The following MAP2 variants were observed in gnomAD, a reference collection of about 807,000 sequenced individuals.
MAP2 encodes microtubule-associated protein 2.
A neutral mutation model predicts 137.6 loss-of-function variants in MAP2; 14 were observed. The observed-to-expected ratio is 0.10, with a 90% CI of 0.07 to 0.16. MAP2 has a LOEUF of 0.16. MAP2 is among the 10% of genes least tolerant of loss of function. The pLI is 1.00. For synonymous variants in MAP2, 786 were observed against 782.3 expected, an observed-to-expected ratio of 1.00 and a Z score of -0.08; for missense variants, 2,088 against 2,191.5, an observed-to-expected ratio of 0.95 and a Z score of 0.94.
At chr2:209,660,701 AATT>A (rs562421271) in intron 5 of MAP2, among the ~76,000 whole-genome samples, 30,907 of 104,142 alleles carry the variant, frequency 0.3, 4,644 homozygotes, top group Non-Finnish European at 0.34. Flanking sequence ...GGCCTGCTGC[AATT>A]ATTATTATTA....
rs936962855 is a variant in MAP2, at chr2:209,541,588, C to T, written c.-172+33947C>T. Reference sequence around the variant, plus strand: ...CAAATTTGGAGTCAATCCACTCAAACCTTGCCTCTGGCTCATCAACTTAGT... The same window carrying T: ...CAAATTTGGAGTCAATCCACTCAAATCTTGCCTCTGGCTCATCAACTTAGT... On this transcript the variant is annotated intron_variant, in intron 2 of 15. Coordinates refer to ENST00000682079, the MANE Select transcript of MAP2 (RefSeq NM_001375505.1). Among the ~76,000 whole-genome samples, 4 of 144,512 alleles carry T rather than the reference C, an allele frequency of 2.8e-5. 2 individuals carry two copies. Among genetic ancestry groups the T allele is most frequent in the Admixed American group, 1.3e-4 (2 of 15,042 alleles). 94.8% of individuals were successfully genotyped at this position (144,512 alleles called of 152,430 possible).
chr2:209,723,370 G>A (rs2072189034), intron 13 of MAP2, among the ~76,000 whole-genome samples: 1 of 152,134 alleles, frequency 6.6e-6, no homozygotes, highest in African/African-American at 2.4e-5. Flanking sequence ...TAAGTACAGT[G>A]GGATTTCTTA....
In MAP2 at chr2:209,626,628, A is replaced by G. The variant is rs183739447; in HGVS notation, c.-30+1499A>G. Among the ~76,000 whole-genome samples, 4 of 152,320 alleles carry G rather than the reference A, an allele frequency of 2.6e-5. No individual in the cohort carries two copies. In the East Asian group the frequency reaches 5.8e-4, roughly 22 times the overall value. Reference sequence around the variant, plus strand: ...CTGTGTGTGTTCTAACACTGCTATGACATGTGTAAGAAACAAATGTTGAAC... The same window carrying G: ...CTGTGTGTGTTCTAACACTGCTATGGCATGTGTAAGAAACAAATGTTGAAC... On this transcript the variant is annotated intron_variant, in intron 4 of 15. Coordinates refer to ENST00000682079, the MANE Select transcript of MAP2 (RefSeq NM_001375505.1).
chr2:209,503,002 T>TC (rs908497443), intron 1 of MAP2, among the ~76,000 whole-genome samples: 4 of 99,282 alleles, frequency 4.0e-5, no homozygotes, highest in Admixed American at 2.1e-4. Context: ...TTTTTTTCTT[T>TC]TTTTTTTTTT....
chr2:209,645,157 G>A (rs1307436548), intron 4 of MAP2, among the ~76,000 whole-genome samples: 3 of 152,130 alleles, frequency 2.0e-5, no homozygotes, highest in African/African-American at 7.2e-5. Flanking sequence ...ACAAAATGCA[G>A]GAAACATCAG....
At chr2:209,724,794 A>G (rs2073196248) in intron 13 of MAP2, among the ~76,000 whole-genome samples, 1 of 152,242 alleles carries the variant, frequency 6.6e-6, no homozygotes, top group South Asian at 2.1e-4. Context: ...CCAGACTGTA[A>G]GTATACACCA....
intron 1 of MAP2, among the ~76,000 whole-genome samples, chr2:209,457,107 G>T (rs1442791854): frequency 6.6e-6 from 1 of 152,186 alleles, no homozygotes; most frequent in Non-Finnish European, 1.5e-5. Context: ...TATAAAATGT[G>T]TTTCAATAAC....
intron 1 of MAP2, among the ~76,000 whole-genome samples, chr2:209,446,976 C>T (rs1019439216): frequency 6.6e-6 from 1 of 151,930 alleles, no homozygotes; most frequent in African/African-American, 2.4e-5. Flanking sequence ...GTAGGTACTT[C>T]AAGATTACCT....
At chr2:209,679,964 TG>T (rs2153687039) in intron 6 of MAP2, among the ~76,000 whole-genome samples, 1 of 152,248 alleles carries the variant, frequency 6.6e-6, no homozygotes, top group East Asian at 1.9e-4. Context: ...ATTTAACCAC[TG>T]GCCTTAAATG....
Position 209,692,882 on chromosome 2 carries a change from A to C in MAP2, c.712A>C (p.Lys238Gln). 1 of 1,614,060 alleles carries C rather than the reference A, an allele frequency of 6.2e-7. No individual in the cohort carries two copies. The highest frequency in any genetic ancestry group is 8.5e-7 in the Non-Finnish European group (1 of 1,179,972). ...TCTTGTTGCCAGCCTGGAAGACATG[A>C]AACAGAAGACAGAACCAAGCCTTGT... ...HTLVASLEDM[K>Q]QKTEPSLVVP... Residue 238 changes from lysine to glutamine, a missense_variant, in exon 8 of 16, where the codon AAA becomes CAA. Coordinates refer to ENST00000682079, the MANE Select transcript of MAP2 (RefSeq NM_001375505.1).
chr2:209,634,199 A>G (rs1343930215), intron 4 of MAP2, among the ~76,000 whole-genome samples: 1 of 152,170 alleles, frequency 6.6e-6, no homozygotes, highest in Non-Finnish European at 1.5e-5. Flanking sequence ...CTGTGCAGGC[A>G]ATAAACTGGG....
chr2:209,619,174 G>T (rs1308373780), intron 3 of MAP2, among the ~76,000 whole-genome samples: 1 of 152,030 alleles, frequency 6.6e-6, no homozygotes, highest in East Asian at 1.9e-4. Context: ...CGAAGTTTCT[G>T]TTTGGTAGGG....
chr2:209,629,998 T>C (rs1212060394), intron 4 of MAP2, among the ~76,000 whole-genome samples: 1 of 152,210 alleles, frequency 6.6e-6, no homozygotes, highest in African/African-American at 2.4e-5. Flanking sequence ...TTAAGTCTTG[T>C]CTTTTAACTG....
In MAP2 at chr2:209,696,204, A is replaced by T. The variant is rs2060137882; in HGVS notation, c.4034A>T (p.Asp1345Val). Reference sequence around the variant, plus strand: ...GCTGAAGCCCAGGCAGAACCCAAAGATGGTTCCCCAGAGGCTCCAGCTTCC... The same window carrying T: ...GCTGAAGCCCAGGCAGAACCCAAAGTTGGTTCCCCAGAGGCTCCAGCTTCC... ...EAAEAQAEPK[D>V]GSPEAPASPE... Residue 1345 changes from aspartate (D) to valine (V), a missense_variant, in exon 8 of 16, where the codon GAT becomes GTT. By Grantham distance (152) the Asp-to-Val change is radical (BLOSUM62 -3). Coordinates refer to ENST00000682079, the MANE Select transcript of MAP2 (RefSeq NM_001375505.1). 6.2e-7 allele frequency: 1 copy of T among 1,613,620 alleles called. No individual in the cohort carries two copies.
intron 4 of MAP2, among the ~76,000 whole-genome samples, chr2:209,641,092 A>C (rs2093989199): frequency 6.6e-6 from 1 of 152,076 alleles, no homozygotes; most frequent in African/African-American, 2.4e-5. Context: ...TGTTAATCCC[A>C]GCCAGTGGCT....
At chr2:209,666,177 C>T (rs979781567) in intron 5 of MAP2, among the ~76,000 whole-genome samples, 6 of 152,100 alleles carry the variant, frequency 3.9e-5, no homozygotes, top group Non-Finnish European at 7.4e-5. Flanking sequence ...TGCTTTCCTT[C>T]GAGCTTTACT....
chr2:209,651,291 A>G (rs1407009939), intron 4 of MAP2, among the ~76,000 whole-genome samples: 1 of 152,182 alleles, frequency 6.6e-6, no homozygotes, highest in African/African-American at 2.4e-5. Flanking sequence ...CATGTCTGGT[A>G]CATTTACCAT....
chr2:209,530,703 G>A (rs747377337), intron 2 of MAP2, among the ~76,000 whole-genome samples: 5 of 152,138 alleles, frequency 3.3e-5, no homozygotes, highest in Non-Finnish European at 5.9e-5. Flanking sequence ...CAAGGTTCTT[G>A]ATATATATTT....
chr2:209,477,918 G>A (rs1707735498), intron 1 of MAP2, among the ~76,000 whole-genome samples: 1 of 151,922 alleles, frequency 6.6e-6, no homozygotes, highest in African/African-American at 2.4e-5. Flanking sequence ...GTGTGAGGAT[G>A]GCTTGAGCCT....
Sources: allele counts gnomAD v4.1 joint callset (sites outside exome capture counted in the v4.1 genomes callset), GRCh38; gene constraint gnomAD v4.1.1; transcripts MANE v1.5; gene names NCBI Gene and HGNC (gene_info 2026-07-23, HGNC 2026-07-21).